The following INSC variants were observed in gnomAD, a reference collection of about 807,000 sequenced individuals.
INSC encodes the protein INSC spindle orientation adaptor protein.
In INSC, 67 loss-of-function variants were observed where a neutral mutation model predicts 58.6. The observed-to-expected ratio is 1.14, with a 90% CI of 0.94 to 1.40. INSC has a LOEUF of 1.40. Among genes scored for constraint, INSC ranks in the 40% most tolerant of loss-of-function variants. INSC has a pLI of 0.00. For synonymous variants in INSC, 262 were observed against 276.1 expected (o/e 0.95, Z 0.51); for missense variants, 714 against 692.0 (o/e 1.03, Z -0.36).
chr11:15,221,574 C>T lies in INSC; in HGVS notation c.917C>T (p.Ser306Phe), dbSNP rs373320278. Residue 306 changes from serine to phenylalanine, a missense_variant, in exon 8 of 13, where the codon TCC (serine) becomes TTC (phenylalanine). By Grantham distance (155) the Ser-to-Phe change is radical. Transcript: ENST00000379556. ...EAAAVVAQVT[S>F]PHLPVTQHLS... ...GCGGCTGTGGTGGCCCAGGTCACCT[C>T]CCCACACCTGCCCGTCACCCAGCAC... The T allele has an allele frequency of 1.2e-5, 20 of 1,613,902 alleles. No individual in the cohort carries two copies. Among genetic ancestry groups the T allele is most frequent in the African/African-American group, 5.3e-5 (4 of 74,906 alleles).
chr11:15,133,152 C>T (rs564305039), intron 1 of INSC, among the ~76,000 whole-genome samples: 148 of 152,196 alleles, frequency 9.7e-4, no homozygotes, highest in South Asian at 1.7e-3. Flanking sequence ...CTTGTTAGAT[C>T]CCATCACTCT....
At chr11:15,116,076 CTG>C (rs1847685531) in intron 1 of INSC, among the ~76,000 whole-genome samples, 1 of 152,162 alleles carries the variant, frequency 6.6e-6, no homozygotes, top group Admixed American at 6.5e-5. Flanking sequence ...GAATCTGAAA[CTG>C]AGGCTGTCCA....
chr11:15,186,267 T>C (rs1294578235), intron 5 of INSC, among the ~76,000 whole-genome samples: 1 of 151,518 alleles, frequency 6.6e-6, no homozygotes, highest in African/African-American at 2.4e-5. Context: ...TTTCCAGTAA[T>C]GAACTCTGCC....
At chr11:15,220,694 A>T (rs1462269527) in intron 7 of INSC, among the ~76,000 whole-genome samples, 1 of 152,222 alleles carries the variant, frequency 6.6e-6, no homozygotes, top group African/African-American at 2.4e-5. Flanking sequence ...TTGTGTAATA[A>T]CATGTGCACT....
chr11:15,256,140 G>A, the INSC span, among the ~76,000 whole-genome samples: 2 of 152,168 alleles, frequency 1.3e-5, no homozygotes, highest in African/African-American at 4.8e-5. Flanking sequence ...AGGGAAGGCA[G>A]GGGAAAGAGC....
At chr11:15,130,499 G>A (rs573977825) in intron 1 of INSC, among the ~76,000 whole-genome samples, 1 of 152,194 alleles carries the variant, frequency 6.6e-6, no homozygotes, top group African/African-American at 2.4e-5. Context: ...ATTTTGTTTA[G>A]TATATTTTCA....
chr11:15,191,281 T>C (rs1590426188), intron 6 of INSC, among the ~76,000 whole-genome samples: 1 of 152,058 alleles, frequency 6.6e-6, no homozygotes, highest in Admixed American at 6.5e-5. Context: ...GCCCGGCCGG[T>C]GTCTGCATTT....
the INSC span, among the ~76,000 whole-genome samples, chr11:15,256,592 C>T: frequency 2.0e-5 from 3 of 151,590 alleles, no homozygotes; most frequent in Non-Finnish European, 2.9e-5. Context: ...CAGTTTCAAG[C>T]GATTCTCTTG....
chr11:15,200,251 C>T (rs750406206), intron 6 of INSC, among the ~76,000 whole-genome samples: 16 of 151,912 alleles, frequency 1.1e-4, no homozygotes, highest in Admixed American at 3.3e-4. Context: ...TTTACCCATC[C>T]GGACTTCAGT....
chr11:15,256,686 C>T, the INSC span, among the ~76,000 whole-genome samples: 1 of 152,084 alleles, frequency 6.6e-6, no homozygotes, highest in Non-Finnish European at 1.5e-5. Context: ...GATGGGGTTT[C>T]ACCATGTTGG....
Position 15,114,938 on chromosome 11 carries a change from T to C in INSC, c.-111T>C, listed in dbSNP as rs1377242441. The C allele has an allele frequency of 2.0e-5, 20 of 985,314 alleles. No homozygotes were observed. The highest frequency in any genetic ancestry group is 2.4e-5 in the Non-Finnish European group (20 of 829,964). The allele number at this position is 985,314 out of a possible 1,614,324, so 61.0% of individuals were successfully genotyped here. On this transcript the variant is annotated 5_prime_UTR_variant, in exon 1 of 13. Transcript: ENST00000379556. ...CAGAGCGGCCACTTTGCGCGCGGCC[T>C]CTGGAGCTCCAGCTGCGCCCCGCCA...
chr11:15,171,884 G>T (rs1452849927), intron 2 of INSC, among the ~76,000 whole-genome samples: 1 of 152,174 alleles, frequency 6.6e-6, no homozygotes, highest in Non-Finnish European at 1.5e-5. Flanking sequence ...TTGGGGCAAG[G>T]AATTGGATTA....
intron 1 of INSC, among the ~76,000 whole-genome samples, chr11:15,142,796 T>C (rs80265362): frequency 6.9e-6 from 1 of 145,350 alleles, no homozygotes; most frequent in South Asian, 2.2e-4. Context: ...GAGCACTTTC[T>C]TTTTTTTTTT....
intron 9 of INSC, among the ~76,000 whole-genome samples, chr11:15,230,595 G>T (rs1377110869): frequency 6.6e-6 from 1 of 152,218 alleles, no homozygotes; most frequent in East Asian, 1.9e-4. Flanking sequence ...ACATATCAGG[G>T]ATATTGTGTA....
the INSC span, among the ~76,000 whole-genome samples, chr11:15,259,492 A>G: frequency 7.2e-5 from 11 of 152,192 alleles, no homozygotes; most frequent in African/African-American, 2.7e-4. Flanking sequence ...TACTCTCCTG[A>G]TATAAGAAAG....
rs138046480 is a variant in INSC, at chr11:15,234,818, G to T, written c.1171-784G>T. On this transcript the variant is annotated intron_variant, in intron 9 of 12. Transcript: ENST00000379556. Reference sequence around the variant, plus strand: ...TTTTGGCACCCTTTTGCAGTTTGGGGTCCCTGGAATGAGTCCTCTGTCAGG... The same window carrying T: ...TTTTGGCACCCTTTTGCAGTTTGGGTTCCCTGGAATGAGTCCTCTGTCAGG... 4.2e-3 allele frequency among the ~76,000 whole-genome samples: 636 copies of T among 152,180 alleles called. 9 individuals are homozygous for T. Among genetic ancestry groups the T allele is most frequent in the African/African-American group, 0.015 (607 of 41,506 alleles).
chr11:15,201,081 G>C lies in INSC; in HGVS notation c.819+132G>C, dbSNP rs73426538. On this transcript the variant is annotated intron_variant, in intron 7 of 12. Transcript: ENST00000379556. ...GTAGTCCTTTTCCCAGGCACCATTC[G>C]GATAGGGTGGCTGGGACCTGGACTA... The C allele has an allele frequency of 3.1e-4, 352 of 1,145,184 alleles. 1 individual carries two copies. Among genetic ancestry groups the C allele is most frequent in the Middle Eastern group, 1.2e-3 (4 of 3,338 alleles). 70.9% of individuals were successfully genotyped at this position (1,145,184 alleles called of 1,614,324 possible).
chr11:15,118,693 C>G (rs1463706882), intron 1 of INSC, among the ~76,000 whole-genome samples: 1 of 152,190 alleles, frequency 6.6e-6, no homozygotes, highest in Admixed American at 6.5e-5. Context: ...CACATCTCTG[C>G]TGAATTTTCA....
chr11:15,127,771 A>T (rs558542817), intron 1 of INSC, among the ~76,000 whole-genome samples: 135 of 152,290 alleles, frequency 8.9e-4, no homozygotes, highest in Non-Finnish European at 1.5e-3. Context: ...TGGATGGGTG[A>T]AATTCTAGAG....
Sources: allele counts gnomAD v4.1 joint callset (sites outside exome capture counted in the v4.1 genomes callset), GRCh38; gene constraint gnomAD v4.1.1; transcripts MANE v1.5; gene names NCBI Gene and HGNC (gene_info 2026-07-23, HGNC 2026-07-21).